Variants in TAFA2 observed in about 807,000 individuals in gnomAD.
TAFA2 encodes the protein chemokine-like protein TAFA-2.
TAFA2 carries 7 observed loss-of-function variants against 18.8 expected under a neutral mutation model. That is an observed-to-expected ratio of 0.37 (90% CI 0.21 to 0.70). The LOEUF (loss-of-function observed/expected upper bound fraction) is 0.70, where lower values mean the gene tolerates loss of function less well. Among genes scored for constraint, TAFA2 ranks in the 30% least tolerant of loss-of-function variants. TAFA2 has a pLI of 0.53. For missense variants in TAFA2, 122 were observed against 158.1 expected, an observed-to-expected ratio of 0.77 and a Z score of 1.23; for synonymous variants, 60 against 54.2, an observed-to-expected ratio of 1.11 and a Z score of -0.47.
At chr12:62,116,235 T>A (rs1305169854) in intron 1 of TAFA2, among the ~76,000 whole-genome samples, 2 of 152,150 alleles carry the variant, frequency 1.3e-5, no homozygotes, top group Admixed American at 1.3e-4. Flanking sequence ...TACACTGAGA[T>A]GCACGAAGCC....
chr12:61,923,140 C>G (rs1877129117), intron 1 of TAFA2, among the ~76,000 whole-genome samples: 1 of 152,188 alleles, frequency 6.6e-6, no homozygotes, highest in Admixed American at 6.5e-5. Context: ...GATACAGCAC[C>G]TGGGGGAAGA....
At chr12:62,042,002 A>G (rs1162583351) in intron 1 of TAFA2, among the ~76,000 whole-genome samples, 1 of 152,130 alleles carries the variant, frequency 6.6e-6, no homozygotes, top group Admixed American at 6.5e-5. Flanking sequence ...CCAGAGCTAT[A>G]AAGGATCTCT....
chr12:61,763,815 C>T (rs897660778), intron 2 of TAFA2, among the ~76,000 whole-genome samples: 8 of 151,852 alleles, frequency 5.3e-5, no homozygotes, highest in Non-Finnish European at 1.2e-4. Flanking sequence ...GAGAAGGGAG[C>T]AGGTGGTCCA....
At chr12:62,025,367 C>G (rs1324890231) in intron 1 of TAFA2, among the ~76,000 whole-genome samples, 2 of 151,846 alleles carry the variant, frequency 1.3e-5, no homozygotes, top group Non-Finnish European at 2.9e-5. Flanking sequence ...TACAATCTAC[C>G]CAGGTAACAA....
chr12:62,208,236 C>T (rs1426319771), intron 1 of TAFA2, among the ~76,000 whole-genome samples: 1 of 151,766 alleles, frequency 6.6e-6, no homozygotes, highest in Non-Finnish European at 1.5e-5. Context: ...ATCAAATAGT[C>T]AAGGAGCAAT....
chr12:62,074,164 C>T (rs1227680162), intron 1 of TAFA2, among the ~76,000 whole-genome samples: 1 of 152,214 alleles, frequency 6.6e-6, no homozygotes, highest in African/African-American at 2.4e-5. Flanking sequence ...AGAACACACA[C>T]ACACACGAGA....
chr12:61,913,699 T>G (rs982417063), intron 1 of TAFA2, among the ~76,000 whole-genome samples: 2 of 152,182 alleles, frequency 1.3e-5, no homozygotes, highest in African/African-American at 4.8e-5. Context: ...ATTTAATTAC[T>G]GAGAAAATGA....
upstream of TAFA2, among the ~76,000 whole-genome samples, chr12:62,197,352 T>C (rs546118111): frequency 6.6e-6 from 1 of 152,368 alleles, no homozygotes; most frequent in Non-Finnish European, 1.5e-5. Flanking sequence ...TGAACTTAAC[T>C]GGATTGTAAC....
intron 1 of TAFA2, among the ~76,000 whole-genome samples, chr12:62,153,422 G>A (rs1034341163): frequency 6.6e-6 from 1 of 152,110 alleles, no homozygotes; most frequent in African/African-American, 2.4e-5. Flanking sequence ...CAGCACTTTG[G>A]GAGACAATGG....
chr12:62,018,810 C>G (rs1881023118), intron 1 of TAFA2, among the ~76,000 whole-genome samples: 1 of 152,076 alleles, frequency 6.6e-6, no homozygotes, highest in Non-Finnish European at 1.5e-5. Flanking sequence ...CAACAAAAGC[C>G]AAAATTGACA....
intron 4 of TAFA2, among the ~76,000 whole-genome samples, chr12:61,740,152 A>G (rs1868381515): frequency 6.6e-6 from 1 of 152,034 alleles, no homozygotes; most frequent in Non-Finnish European, 1.5e-5. Context: ...TTTTCTTTTA[A>G]CAGGACCAAG....
intron 1 of TAFA2, among the ~76,000 whole-genome samples, chr12:62,174,907 AATAC>A (rs1400069285): frequency 2.6e-5 from 4 of 152,344 alleles, no homozygotes; most frequent in African/African-American, 7.2e-5. Context: ...TGTATATGTC[AATAC>A]ATACAGATAT....
intron 1 of TAFA2, among the ~76,000 whole-genome samples, chr12:62,013,335 T>C (rs977943564): frequency 2.6e-5 from 4 of 152,122 alleles, no homozygotes; most frequent in Admixed American, 6.5e-5. Context: ...ACATAACAGG[T>C]TTGAACTAAT....
At chr12:62,010,235 G>A (rs920797239) in intron 1 of TAFA2, among the ~76,000 whole-genome samples, 1 of 146,992 alleles carries the variant, frequency 6.8e-6, no homozygotes, top group Non-Finnish European at 1.5e-5. Context: ...TACTGCCGTG[G>A]TCTCGGCTCG....
intron 1 of TAFA2, among the ~76,000 whole-genome samples, chr12:62,162,934 AT>A (rs1325073901): frequency 6.6e-6 from 1 of 152,032 alleles, no homozygotes; most frequent in Non-Finnish European, 1.5e-5. Context: ...AATGGGGAAG[AT>A]TTATCCAAAG....
chr12:61,903,392 A>G (rs751944941), intron 1 of TAFA2, among the ~76,000 whole-genome samples: 16 of 152,114 alleles, frequency 1.1e-4, no homozygotes, highest in Admixed American at 2.6e-4. Context: ...AGGCTTTCCA[A>G]TTATGTGTAC....
intron 1 of TAFA2, among the ~76,000 whole-genome samples, chr12:62,047,926 A>G (rs1460786595): frequency 1.3e-5 from 2 of 151,836 alleles, no homozygotes; most frequent in African/African-American, 4.8e-5. Context: ...ATATCACAAG[A>G]AAAACAAAAA....
chr12:62,182,761 C>T (rs1250547431), intron 1 of TAFA2, among the ~76,000 whole-genome samples: 4 of 152,218 alleles, frequency 2.6e-5, no homozygotes, highest in African/African-American at 9.7e-5. Flanking sequence ...CACTGCATTA[C>T]ATACCTCACC....
intron 4 of TAFA2, among the ~76,000 whole-genome samples, chr12:61,735,553 A>G (rs987751605): frequency 3.3e-5 from 5 of 152,040 alleles, no homozygotes; most frequent in African/African-American, 1.2e-4. Context: ...CCCCATTATC[A>G]TTTGATATAA....
Sources: gnomAD v4.1 joint callset for allele counts (sites outside exome capture counted in the v4.1 genomes callset) on GRCh38, gnomAD v4.1.1 for gene constraint, MANE v1.5 for transcripts, NCBI Gene and HGNC (gene_info 2026-07-23, HGNC 2026-07-21) for gene names.